PRKAG2: variants seen among roughly 807,000 people sequenced by gnomAD.
PRKAG2 encodes protein kinase AMP-activated non-catalytic subunit gamma 2.
A neutral mutation model predicts 69.6 loss-of-function variants in PRKAG2; 26 were observed. That is an observed-to-expected ratio of 0.37 (90% CI 0.27 to 0.52). The LOEUF (loss-of-function observed/expected upper bound fraction) is 0.52, where lower values mean the gene tolerates loss of function less well. PRKAG2 is among the 20% of genes least tolerant of loss of function. The pLI is 0.90. For missense variants in PRKAG2, 557 were observed against 740.0 expected, an observed-to-expected ratio of 0.75 and a Z score of 2.87; for synonymous variants, 293 against 285.0, an observed-to-expected ratio of 1.03 and a Z score of -0.28.
chr7:151,628,383 G>A (rs1275160438), intron 5 of PRKAG2, among the ~76,000 whole-genome samples: 2 of 152,130 alleles, frequency 1.3e-5, no homozygotes, highest in African/African-American at 2.4e-5. Context: ...AGACGTGGTC[G>A]GTGTAACAAT....
chr7:151,744,304 C>T lies in PRKAG2; in HGVS notation c.466+36848G>A, dbSNP rs534241718. On this transcript the variant is annotated intron_variant, in intron 3 of 15. Transcript: ENST00000287878. ...CATGTGGCACATGTTGTCCCACTAA[C>T]GTGGTGCTGGTCCAGGCTGCAGGTT... 1.4e-4 allele frequency among the ~76,000 whole-genome samples: 21 copies of T among 152,348 alleles called. No individual in the cohort carries two copies. The East Asian group carries it at 2.1e-3, about 15-fold the overall frequency.
intron 3 of PRKAG2, among the ~76,000 whole-genome samples, chr7:151,697,338 G>A (rs924558147): frequency 6.6e-6 from 1 of 152,166 alleles, no homozygotes; most frequent in Admixed American, 6.5e-5. Context: ...CTGCAAGTGG[G>A]CATGCTGGGT....
At chr7:151,565,496 G>A in intron 12 of PRKAG2, 113 bp from the exon 13 acceptor site, 1 of 975,382 alleles carries the variant, frequency 1.0e-6, no homozygotes, top group South Asian at 1.6e-5. Context: ...AAATAACCTT[G>A]TCTATTTTAA....
chr7:151,591,648 C>T (rs865831563), intron 6 of PRKAG2, among the ~76,000 whole-genome samples: 21 of 152,240 alleles, frequency 1.4e-4, no homozygotes, highest in Middle Eastern at 3.4e-3. Flanking sequence ...ACTCTGACAC[C>T]GGTACTGAGT....
chr7:151,684,251 C>T (rs544615987), intron 3 of PRKAG2, among the ~76,000 whole-genome samples: 10 of 152,298 alleles, frequency 6.6e-5, no homozygotes, highest in Non-Finnish European at 1.2e-4. Flanking sequence ...CTGCCCACAC[C>T]CCTGGGAAAA....
chr7:151,690,323 A>G (rs1465950543), intron 3 of PRKAG2, among the ~76,000 whole-genome samples: 1 of 152,012 alleles, frequency 6.6e-6, no homozygotes, highest in Admixed American at 6.5e-5. Context: ...GGGAGGGAGA[A>G]CTCAGCCCTC....
intron 3 of PRKAG2, among the ~76,000 whole-genome samples, chr7:151,778,292 A>G (rs1308696323): frequency 1.3e-5 from 2 of 151,954 alleles, no homozygotes; most frequent in East Asian, 1.9e-4. Context: ...CACATTAAAC[A>G]TTTTACTACA....
At position 151,850,807 on chromosome 7, in the gene PRKAG2, G is replaced by A. The variant is rs571539056; in HGVS notation, c.114+25700C>T. On this transcript the variant is annotated intron_variant, in intron 1 of 15. Coordinates refer to ENST00000287878, the MANE Select transcript of PRKAG2 (RefSeq NM_016203.4). The surrounding 1 kb of genome is among the most constrained non-coding windows in gnomAD (Gnocchi z 4.1). ...TCAGCTCAGTGAGTTTTAATTCAGTGTCTACTTTGATGCTGAAGATCTAGT... is the reference window on the plus strand; with the variant it reads ...TCAGCTCAGTGAGTTTTAATTCAGTATCTACTTTGATGCTGAAGATCTAGT... 2.0e-5 allele frequency among the ~76,000 whole-genome samples: 3 copies of A among 152,328 alleles called. No homozygotes were observed. In the East Asian group the frequency reaches 5.8e-4, roughly 29 times the overall value.
At chr7:151,654,882 G>A (rs983282436) in intron 4 of PRKAG2, among the ~76,000 whole-genome samples, 1 of 152,104 alleles carries the variant, frequency 6.6e-6, no homozygotes, top group Admixed American at 6.6e-5. Flanking sequence ...TAGTAGCAAC[G>A]GGGTTTTGCC....
intron 3 of PRKAG2, among the ~76,000 whole-genome samples, chr7:151,703,805 C>A (rs1390654930): frequency 6.8e-6 from 1 of 146,852 alleles, no homozygotes; most frequent in African/African-American, 2.5e-5. Context: ...GAGTTTGAGA[C>A]CAGCCTAACC....
intron 4 of PRKAG2, among the ~76,000 whole-genome samples, chr7:151,657,261 C>T (rs1649613295): frequency 6.6e-6 from 1 of 152,142 alleles, no homozygotes; most frequent in East Asian, 1.9e-4. Context: ...GCAAACATCG[C>T]CTATGGAAGA....
chr7:151,584,166 C>T (rs1811106722), intron 6 of PRKAG2, among the ~76,000 whole-genome samples: 2 of 152,296 alleles, frequency 1.3e-5, no homozygotes, highest in African/African-American at 4.8e-5. Flanking sequence ...CTCCAAGCCC[C>T]AGTACTCCTT....
At position 151,876,675 on chromosome 7, in the gene PRKAG2, T is replaced by C; in HGVS notation, c.-55A>G. On this transcript the variant is annotated 5_prime_UTR_variant, in exon 1 of 16. Transcript: ENST00000287878. ...CTCCTCGGGGGTTCGGTCCCCTCCT[T>C]CCCTCCCCCGGCCGCTGCCTTCGGA... 2 of 1,535,030 alleles carry C rather than the reference T, an allele frequency of 1.3e-6. No individual in the cohort carries two copies. Among genetic ancestry groups the C allele is most frequent in the Non-Finnish European group, 1.8e-6 (2 of 1,121,912 alleles).
chr7:151,851,147 T>C (rs1394909372), intron 1 of PRKAG2, among the ~76,000 whole-genome samples: 1 of 151,654 alleles, frequency 6.6e-6, no homozygotes, highest in African/African-American at 2.4e-5. Context: ...CACACACAAC[T>C]CAAAGAAAAA....
intron 1 of PRKAG2, among the ~76,000 whole-genome samples, chr7:151,874,300 G>A (rs375771592): frequency 2.6e-5 from 2 of 75,496 alleles, no homozygotes; most frequent in Non-Finnish European, 4.9e-5. Flanking sequence ...TGTATATGAT[G>A]TATATGTATA....
At chr7:151,769,751 G>T (rs1474600945) in intron 3 of PRKAG2, among the ~76,000 whole-genome samples, 1 of 152,190 alleles carries the variant, frequency 6.6e-6, no homozygotes, top group African/African-American at 2.4e-5. Context: ...GGGGAGGTGT[G>T]GCGGAAACAC....
rs111547946 is a variant in PRKAG2, at chr7:151,694,381, C to G, written c.467-18744G>C. On this transcript the variant is annotated intron_variant, in intron 3 of 15. Coordinates refer to ENST00000287878, the MANE Select transcript of PRKAG2 (RefSeq NM_016203.4). ...GCATTAACCACACTGCTGTGCAGCC[C>G]CCACCACCACCATCTCCAGAACCAT... Among the ~76,000 whole-genome samples, 1,061 of 152,274 alleles carry G rather than the reference C, an allele frequency of 7.0e-3. 9 individuals are homozygous for G. Among genetic ancestry groups the G allele is most frequent in the African/African-American group, 0.024 (1,010 of 41,552 alleles).
chr7:151,684,500 T>G (rs1263004539), intron 3 of PRKAG2, among the ~76,000 whole-genome samples: 1 of 152,130 alleles, frequency 6.6e-6, no homozygotes, highest in Non-Finnish European at 1.5e-5. Flanking sequence ...CTTTGTGTGA[T>G]GAGTAAGAGG....
chr7:151,801,992 G>A (rs2077864406), intron 1 of PRKAG2, among the ~76,000 whole-genome samples: 1 of 152,206 alleles, frequency 6.6e-6, no homozygotes, highest in Non-Finnish European at 1.5e-5. Context: ...TGTGCAGGAT[G>A]GAGTCTCCAT....
Sources: allele counts gnomAD v4.1 joint callset (sites outside exome capture counted in the v4.1 genomes callset), GRCh38; gene constraint gnomAD v4.1.1; non-coding constraint Gnocchi (gnomAD v3.1); transcripts MANE v1.5; gene names NCBI Gene and HGNC (gene_info 2026-07-23, HGNC 2026-07-21).